The following ESR1 variants were observed in gnomAD, a reference collection of about 807,000 sequenced individuals.
ESR1 encodes estrogen receptor.
ESR1 carries 12 observed loss-of-function variants against 52.7 expected under a neutral mutation model. The ratio of observed to expected loss-of-function variants is 0.23; its 90% CI spans 0.15 to 0.37. The LOEUF is 0.37. Ranked by LOEUF, ESR1 falls within the 10% of genes least tolerant of loss-of-function variation. The pLI is 1.00. For synonymous variants in ESR1, 305 were observed against 316.8 expected, an observed-to-expected ratio of 0.96 and a Z score of 0.39; for missense variants, 584 against 779.7, an observed-to-expected ratio of 0.75 and a Z score of 2.99.
At chr6:151,742,850 C>G (rs868487797) in intron 2 of ESR1, among the ~76,000 whole-genome samples, 10 of 152,026 alleles carry the variant, frequency 6.6e-5, no homozygotes, top group Middle Eastern at 3.2e-3. Context: ...AATGAATGGG[C>G]TAGATGTTAT....
intron 3 of ESR1, among the ~76,000 whole-genome samples, chr6:151,897,261 T>C (rs899119637): frequency 1.3e-5 from 2 of 152,220 alleles, no homozygotes; most frequent in African/African-American, 4.8e-5. Context: ...ATGACCTGTC[T>C]AGTATTGTCA....
chr6:151,749,167 T>C (rs1280366789), intron 2 of ESR1, among the ~76,000 whole-genome samples: 1 of 146,786 alleles, frequency 6.8e-6, no homozygotes, highest in Non-Finnish European at 1.5e-5. Flanking sequence ...CCTCAAATAC[T>C]TGGGAAATTG....
chr6:151,927,954 C>T (rs1390789978), intron 3 of ESR1, among the ~76,000 whole-genome samples: 2 of 152,050 alleles, frequency 1.3e-5, no homozygotes, highest in Non-Finnish European at 2.9e-5. Context: ...GAACTCCTGG[C>T]CTCAAGTGCT....
intron 4 of ESR1, among the ~76,000 whole-genome samples, chr6:151,954,292 G>A (rs1440689718): frequency 6.6e-6 from 1 of 152,138 alleles, no homozygotes; most frequent in Non-Finnish European, 1.5e-5. Flanking sequence ...TCTAAGTTCT[G>A]TTTTACAATT....
At chr6:151,811,856 C>G (rs914463501) in intron 1 of ESR1, among the ~76,000 whole-genome samples, 6 of 152,104 alleles carry the variant, frequency 3.9e-5, no homozygotes, top group Non-Finnish European at 8.8e-5. Flanking sequence ...TCTTCAATCC[C>G]CATTTCATTT....
intron 1 of ESR1, among the ~76,000 whole-genome samples, chr6:151,693,980 C>T (rs1779136356): frequency 6.6e-6 from 1 of 152,164 alleles, no homozygotes; most frequent in African/African-American, 2.4e-5. Context: ...CCACTCTGGC[C>T]CCATAACATA....
chr6:151,840,518 G>A (rs1784124216), intron 1 of ESR1, among the ~76,000 whole-genome samples: 1 of 152,200 alleles, frequency 6.6e-6, no homozygotes, highest in Admixed American at 6.5e-5. Context: ...AATATTTTGT[G>A]AATATTATGG....
intron 1 of ESR1, among the ~76,000 whole-genome samples, chr6:151,836,076 A>G (rs746360987): frequency 6.6e-6 from 1 of 152,166 alleles, no homozygotes; most frequent in Non-Finnish European, 1.5e-5. Context: ...AGTAATTCAA[A>G]TGTGGAGTAT....
chr6:151,970,333 G>A (rs932167778), intron 4 of ESR1, among the ~76,000 whole-genome samples: 6 of 152,054 alleles, frequency 3.9e-5, no homozygotes, highest in African/African-American at 1.2e-4. Context: ...ATACAAGACA[G>A]CATCTCTGTC....
intron 2 of ESR1, among the ~76,000 whole-genome samples, chr6:151,880,366 A>G (rs1349158001): frequency 6.6e-6 from 1 of 151,770 alleles, no homozygotes; most frequent in Non-Finnish European, 1.5e-5. Context: ...TATTTTTAGT[A>G]GAGACGGGGT....
At chr6:151,676,950 T>A (rs1293943) in intron 1 of ESR1, among the ~76,000 whole-genome samples, 1 of 151,842 alleles carries the variant, frequency 6.6e-6, no homozygotes, top group Non-Finnish European at 1.5e-5. Flanking sequence ...AGACAGAGTA[T>A]GGAGAAAGAA....
At chr6:152,089,551 G>T (rs2050011625) in intron 6 of ESR1, among the ~76,000 whole-genome samples, 1 of 152,178 alleles carries the variant, frequency 6.6e-6, no homozygotes, top group South Asian at 2.1e-4. Context: ...GACCTTTTGG[G>T]CACAGCCATG....
intron 2 of ESR1, among the ~76,000 whole-genome samples, chr6:151,704,889 C>G (rs1051045345): frequency 6.6e-6 from 1 of 151,548 alleles, no homozygotes; most frequent in Non-Finnish European, 1.5e-5. Context: ...AGGTCTTGGT[C>G]CCTGTAAATA....
intron 2 of ESR1, among the ~76,000 whole-genome samples, chr6:151,761,658 T>G (rs2128097177): frequency 6.6e-6 from 1 of 152,314 alleles, no homozygotes; most frequent in African/African-American, 2.4e-5. Context: ...TCTAGAACAG[T>G]AAGCCCTCAA....
chr6:151,669,952 A>T (rs1328047146), intron 1 of ESR1, among the ~76,000 whole-genome samples: 1 of 152,196 alleles, frequency 6.6e-6, no homozygotes, highest in Non-Finnish European at 1.5e-5. Flanking sequence ...ATTTAGATCC[A>T]CGACAAAAGT....
Position 152,101,730 on chromosome 6 carries a change from G to C in ESR1, c.*2764G>C, listed in dbSNP as rs905818002. ...AGATGTGATTTATCTGGGGGGCTCA[G>C]GTATGGTGGGGAAGTGGATTCAGGA... is the stretch of plus-strand genomic sequence containing the variant. On this transcript the variant is annotated 3_prime_UTR_variant, in exon 8 of 8. Transcript: ENST00000206249. 8.7e-6 allele frequency: 2 copies of C among 230,624 alleles called. No homozygotes were observed. The highest frequency in any genetic ancestry group is 5.7e-5 in the Admixed American group (1 of 17,684). The allele number at this position is 230,624 out of a possible 1,614,324, so 14.3% of individuals were successfully genotyped here.
chr6:151,800,441 A>G (rs953657498), upstream of ESR1, among the ~76,000 whole-genome samples: 2 of 152,150 alleles, frequency 1.3e-5, no homozygotes, highest in Admixed American at 1.3e-4. Flanking sequence ...ACCCACCCAA[A>G]TTCACATATT....
intron 2 of ESR1, among the ~76,000 whole-genome samples, chr6:151,851,497 A>G (rs114736917): frequency 0.01 from 1,532 of 150,426 alleles, 23 homozygotes; most frequent in African/African-American, 0.036. Flanking sequence ...AAAACATTAT[A>G]CTTTTTCAAC....
chr6:152,080,717 T>G (rs1437660224), intron 6 of ESR1, among the ~76,000 whole-genome samples: 1 of 151,750 alleles, frequency 6.6e-6, no homozygotes, highest in Non-Finnish European at 1.5e-5. Flanking sequence ...GCAAATTGGA[T>G]AAAGAGTCAA....
Sources: allele counts gnomAD v4.1 joint callset (sites outside exome capture counted in the v4.1 genomes callset), GRCh38; gene constraint gnomAD v4.1.1; transcripts MANE v1.5; gene names NCBI Gene and HGNC (gene_info 2026-07-23, HGNC 2026-07-21).